The following PRKN variants were observed in gnomAD, a reference collection of about 807,000 sequenced individuals.
PRKN encodes the protein parkin RBR E3 ubiquitin protein ligase.
A neutral mutation model predicts 59.5 loss-of-function variants in PRKN; 56 were observed. That is an observed-to-expected ratio of 0.94 (90% CI 0.76 to 1.18). PRKN has a LOEUF of 1.18. Ranked by LOEUF, PRKN falls within the 50% of genes most tolerant of loss-of-function variation. The probability of loss-of-function intolerance (pLI) is 0.00; values close to 1 mark genes in which losing one functional copy is unlikely to be tolerated. For synonymous variants in PRKN, 250 were observed against 222.1 expected (o/e 1.13, Z -1.12); for missense variants, 657 against 596.4 (o/e 1.10, Z -1.06).
intron 1 of PRKN, among the ~76,000 whole-genome samples, chr6:162,467,554 T>A (rs1271718177): frequency 6.6e-6 from 1 of 152,152 alleles, no homozygotes; most frequent in Non-Finnish European, 1.5e-5. Flanking sequence ...AAAATATTTA[T>A]TAGATTTCTC....
intron 5 of PRKN, among the ~76,000 whole-genome samples, chr6:162,040,149 G>A (rs922132878): frequency 2.0e-5 from 3 of 152,156 alleles, no homozygotes; most frequent in African/African-American, 7.2e-5. Flanking sequence ...TGGTACACCT[G>A]GGTTCCTTAG....
chr6:162,086,215 T>C (rs187405390), intron 4 of PRKN, among the ~76,000 whole-genome samples: 27 of 152,326 alleles, frequency 1.8e-4, no homozygotes, highest in Admixed American at 1.4e-3. Context: ...TAGTTGGCAC[T>C]CAACTATCTT....
intron 7 of PRKN, among the ~76,000 whole-genome samples, chr6:161,675,674 A>G (rs1785060828): frequency 6.6e-6 from 1 of 152,054 alleles, no homozygotes; most frequent in African/African-American, 2.4e-5. Flanking sequence ...TCCTCATTAT[A>G]TTCCCCAGCT....
At chr6:162,725,734 G>C (rs752885955) in intron 1 of PRKN, among the ~76,000 whole-genome samples, 1 of 150,930 alleles carries the variant, frequency 6.6e-6, no homozygotes, top group Non-Finnish European at 1.5e-5. Context: ...CTGCACTCCG[G>C]CCTGGGTGAC....
At chr6:162,212,829 G>A (rs1785264990) in intron 3 of PRKN, among the ~76,000 whole-genome samples, 1 of 152,120 alleles carries the variant, frequency 6.6e-6, no homozygotes, top group Non-Finnish European at 1.5e-5. Context: ...ACTGAATACT[G>A]CAGGCAGTAA....
chr6:161,493,205 T>A (rs1462769928), intron 9 of PRKN, among the ~76,000 whole-genome samples: 1 of 152,226 alleles, frequency 6.6e-6, no homozygotes, highest in Non-Finnish European at 1.5e-5. Context: ...CCACAAAGTG[T>A]CTGGCACACA....
At chr6:162,013,949 G>A (rs1239920886) in intron 5 of PRKN, among the ~76,000 whole-genome samples, 2 of 152,004 alleles carry the variant, frequency 1.3e-5, no homozygotes, top group African/African-American at 2.4e-5. Context: ...GTTTTAGTTT[G>A]TTTTATTCTG....
rs140423763 is a variant in PRKN at position 162,028,804 on chromosome 6, C to T, written c.618+25287G>A. Among the ~76,000 whole-genome samples, 189 of 152,262 alleles carry T rather than the reference C, an allele frequency of 1.2e-3. 2 individuals are homozygous for T. In the Middle Eastern group the frequency reaches 0.024, roughly 19 times the overall value. ...ACCCGTAGCAAAGCCAAGAGGGTGG[C>T]GTTTGACTGGCTTCAGGGTGACAGC... On this transcript the variant is annotated intron_variant, in intron 5 of 11. Coordinates refer to ENST00000366898, the MANE Select transcript of PRKN (RefSeq NM_004562.3).
In PRKN at chr6:162,130,903, C is replaced by T. The variant is rs138632877; in HGVS notation, c.534+70228G>A. Among the ~76,000 whole-genome samples, 1,197 of 152,106 alleles carry T rather than the reference C, an allele frequency of 7.9e-3. 8 individuals are homozygous for T. Among genetic ancestry groups the T allele is most frequent in the South Asian group, 0.014 (67 of 4,812 alleles). ...GTGTCTGGTAAAAAATGGATCCTCA[C>T]CAAATAGATGATATAATGACAAGGA... On this transcript the variant is annotated intron_variant, in intron 4 of 11. Coordinates refer to ENST00000366898, the MANE Select transcript of PRKN (RefSeq NM_004562.3).
chr6:162,377,467 C>A (rs1157200653), intron 2 of PRKN, among the ~76,000 whole-genome samples: 2 of 152,168 alleles, frequency 1.3e-5, no homozygotes, highest in Non-Finnish European at 2.9e-5. Flanking sequence ...GGGGCCACTC[C>A]TTTTGTCTCT....
chr6:162,667,202 C>G (rs370562140), intron 1 of PRKN, among the ~76,000 whole-genome samples: 1 of 151,938 alleles, frequency 6.6e-6, no homozygotes. Context: ...TATTTCTGTG[C>G]GTGACAAATT....
intron 4 of PRKN, among the ~76,000 whole-genome samples, chr6:162,160,679 A>G (rs1782712601): frequency 6.6e-6 from 1 of 151,988 alleles, no homozygotes. Context: ...ACATTAGCCT[A>G]AAAACAAACA....
At chr6:162,070,341 C>T (rs1778521494) in intron 4 of PRKN, among the ~76,000 whole-genome samples, 3 of 152,154 alleles carry the variant, frequency 2.0e-5, no homozygotes, top group African/African-American at 7.2e-5. Flanking sequence ...GAAGTCCATG[C>T]TTTTCTTGGA....
chr6:161,963,227 C>A (rs147929096), intron 6 of PRKN, among the ~76,000 whole-genome samples: 3 of 152,196 alleles, frequency 2.0e-5, no homozygotes, highest in Non-Finnish European at 4.4e-5. Flanking sequence ...CAGACAGTTA[C>A]AACACGCAAG....
intron 5 of PRKN, among the ~76,000 whole-genome samples, chr6:162,034,185 A>ATATATC (rs1289350892): frequency 8.1e-6 from 1 of 123,204 alleles, no homozygotes; most frequent in African/African-American, 3.5e-5. Context: ...ATATATATAT[A>ATATATC]TAGAGAGAGA....
At position 161,440,331 on chromosome 6, in the gene PRKN, C is replaced by G. The variant is rs1385706080; in HGVS notation, c.1084-53454G>C. ...TCTGGAGACATTTTTCACTGTCACA[C>G]TACAGAGTGCCACTGGTGTCTAGCA... On this transcript the variant is annotated intron_variant, in intron 9 of 11. Coordinates refer to ENST00000366898, the MANE Select transcript of PRKN (RefSeq NM_004562.3). The surrounding 1 kb of genome is among the most constrained non-coding windows in gnomAD (Gnocchi z 4.1). 3.3e-5 allele frequency among the ~76,000 whole-genome samples: 5 copies of G among 152,304 alleles called. No homozygotes were observed. The highest frequency in any genetic ancestry group is 7.4e-5 in the Non-Finnish European group (5 of 68,016).
At chr6:162,535,580 T>C (rs1422412022) in intron 1 of PRKN, among the ~76,000 whole-genome samples, 1 of 152,032 alleles carries the variant, frequency 6.6e-6, no homozygotes, top group Non-Finnish European at 1.5e-5. Context: ...TCATAAATAA[T>C]AATATTTCTC....
rs1448395470 is a variant in PRKN at position 161,363,723 on chromosome 6, A to T, written c.1168-3518T>A. Reference sequence around the variant, plus strand: ...TCTTAATGCATGGGTGCTGGCAGACAGTGATGGTATCTTCAAAGCACTGAC... The same window carrying T: ...TCTTAATGCATGGGTGCTGGCAGACTGTGATGGTATCTTCAAAGCACTGAC... On this transcript the variant is annotated intron_variant, in intron 10 of 11. Transcript: ENST00000366898. This position sits in a 1 kb window ranked among gnomAD's most constrained non-coding sequence, Gnocchi z 4.1. Among the ~76,000 whole-genome samples the T allele has an allele frequency of 1.3e-5, 2 of 152,238 alleles. No individual in the cohort carries two copies. The highest frequency in any genetic ancestry group is 3.8e-4 in the East Asian group (2 of 5,196).
At chr6:161,571,182 T>C (rs1780875236) in intron 7 of PRKN, among the ~76,000 whole-genome samples, 3 of 152,176 alleles carry the variant, frequency 2.0e-5, no homozygotes, top group Admixed American at 2.0e-4. Context: ...TGGGCTCAAG[T>C]GACGCTCCCG....
Sources: allele counts gnomAD v4.1 joint callset (sites outside exome capture counted in the v4.1 genomes callset), GRCh38; gene constraint gnomAD v4.1.1; non-coding constraint Gnocchi (gnomAD v3.1); transcripts MANE v1.5; gene names NCBI Gene and HGNC (gene_info 2026-07-23, HGNC 2026-07-21).